The following BBS1 variants were observed in gnomAD, a reference collection of about 807,000 sequenced individuals.
BBS1 encodes BBSome complex member BBS1.
Under a neutral mutation model 73.9 loss-of-function variants are expected in BBS1, and 60 were observed. That is an observed-to-expected ratio of 0.81 (90% CI 0.66 to 1.01). The LOEUF (loss-of-function observed/expected upper bound fraction) is 1.01. Among genes scored for constraint, BBS1 ranks in the 50% least tolerant of loss-of-function variants. The probability of loss-of-function intolerance (pLI) is 0.00; values close to 1 mark genes in which losing one functional copy is unlikely to be tolerated. For synonymous variants in BBS1, 283 were observed against 317.4 expected, an observed-to-expected ratio of 0.89 and a Z score of 1.15; for missense variants, 718 against 770.3, an observed-to-expected ratio of 0.93 and a Z score of 0.80.
chr11:66,522,495 G>A (rs1453641366), intron 9 of BBS1, among the ~76,000 whole-genome samples: 61 of 151,536 alleles, frequency 4.0e-4, no homozygotes, highest in African/African-American at 7.3e-5. Context: ...CTACAGGTGC[G>A]TGCCACCACA....
At chr11:66,521,904 CAAAAAAAAAAAAAA>C in intron 9 of BBS1, among the ~76,000 whole-genome samples, 1 of 36,494 alleles carries the variant, frequency 2.7e-5, no homozygotes. Flanking sequence ...GACTCCGTCT[CAAAAAAAAAAAAAA>C]AAAAAAAAAG....
chr11:66,530,894 G>A lies in BBS1; in HGVS notation c.1474G>A (p.Val492Ile). 6.2e-7 allele frequency: 1 copy of A among 1,614,192 alleles called. No individual in the cohort carries two copies. Among genetic ancestry groups the A allele is most frequent in the Non-Finnish European group, 8.5e-7 (1 of 1,180,024 alleles). Reference protein sequence around the residue: ...AREPLKLHAVVQGLGPTFKLT... With the variant: ...AREPLKLHAVIQGLGPTFKLT... ...CTTTCTCCACCCACCCTCTCCATAGGTTCAGGGCCTTGGCCCCACCTTTAA... is the reference window on the plus strand; with the variant it reads ...CTTTCTCCACCCACCCTCTCCATAGATTCAGGGCCTTGGCCCCACCTTTAA... The change falls in exon 15 of 17, where the codon GTT becomes ATT. Residue 492 changes from valine (V) to isoleucine (I), a missense_variant and splice_region_variant. Val to Ile is a conservative substitution (Grantham distance 29, BLOSUM62 3). Coordinates refer to ENST00000318312, the MANE Select transcript of BBS1 (RefSeq NM_024649.5).
rs1318932021 is a variant in BBS1 at position 66,526,689 on chromosome 11, G to A, written c.1221G>A (p.Val407=). 1.2e-6 allele frequency: 2 copies of A among 1,614,218 alleles called. No individual in the cohort carries two copies. The highest frequency in any genetic ancestry group is 1.7e-6 in the Non-Finnish European group (2 of 1,180,018). The part of the protein sequence containing the change: ...LIIKILKRTA[V]FVEGGSEVGP... ...TCAAGATCCTGAAGCGTACAGCAGT[G>A]TTTGTAGAGGGAGGAAGTGAGGTGG... The change falls in exon 13 of 17, where the codon GTG becomes GTA. Residue 407 remains valine (V), a synonymous_variant. Transcript: ENST00000318312.
chr11:66,529,616 T>C (rs891897901), intron 13 of BBS1: 1 of 701,650 alleles, frequency 1.4e-6, no homozygotes, highest in Non-Finnish European at 2.5e-6. Context: ...GGTAAGAGAG[T>C]GAGAAGAGGC....
chr11:66,511,914 G>T (rs1590754672), intron 3 of BBS1, among the ~76,000 whole-genome samples: 1 of 150,954 alleles, frequency 6.6e-6, no homozygotes, highest in Admixed American at 6.6e-5. Context: ...CAGGAGAATT[G>T]GTCAAACCCA....
chr11:66,520,911 G>C, intron 8 of BBS1: 8 of 347,226 alleles, frequency 2.3e-5, no homozygotes, highest in South Asian at 1.9e-4. Context: ...TAGAGACAAA[G>C]TTTTGCCATG....
chr11:66,528,766 C>G (rs1019508548), intron 13 of BBS1, among the ~76,000 whole-genome samples: 1 of 151,954 alleles, frequency 6.6e-6, no homozygotes, highest in East Asian at 1.9e-4. Context: ...GTCAGGAGTT[C>G]GAGACCAGCC....
At chr11:66,518,725 T>TA (rs1856110478) in intron 7 of BBS1, among the ~76,000 whole-genome samples, 1 of 151,746 alleles carries the variant, frequency 6.6e-6, no homozygotes, top group Non-Finnish European at 1.5e-5. Flanking sequence ...GTGCTGGGCT[T>TA]ACAGGTGTGA....
intron 3 of BBS1, 60 bp from the exon 4 acceptor site, chr11:66,514,346 G>A: frequency 6.3e-7 from 1 of 1,596,136 alleles, no homozygotes. Context: ...AAGGCAAGAA[G>A]AGGGTCAGTG....
In BBS1 at chr11:66,511,060, C is replaced by T; in HGVS notation, c.95C>T (p.Ala32Val). ...KWLDAHYDPM[A>V]NIHTFSACLA... ...TTGGATGCGCACTACGACCCAATGG[C>T]CAATATCCACACCTTTTCTGCCTGC... Residue 32 changes from alanine (A) to valine (V), a missense_variant, in exon 2 of 17, where the codon GCC (alanine) becomes GTC (valine). Ala to Val is a moderately conservative substitution (Grantham distance 64, BLOSUM62 0). Transcript: ENST00000318312. 4 of 1,614,182 alleles carry T rather than the reference C, an allele frequency of 2.5e-6. No individual in the cohort carries two copies. Among genetic ancestry groups the T allele is most frequent in the Non-Finnish European group, 3.4e-6 (4 of 1,180,042 alleles).
At chr11:66,512,455 CA>C (rs1272994445) in intron 3 of BBS1, among the ~76,000 whole-genome samples, 2 of 152,062 alleles carry the variant, frequency 1.3e-5, no homozygotes, top group Non-Finnish European at 2.9e-5. Context: ...TTTTTGCCCC[CA>C]AATTCCTATC....
intron 1 of BBS1, 36 bp from the exon 2 acceptor site, chr11:66,510,977 G>C (rs747790984): frequency 5.3e-5 from 86 of 1,610,154 alleles, no homozygotes; most frequent in Non-Finnish European, 7.1e-5. Flanking sequence ...CCCTCCCATG[G>C]GACTCACTCC....
chr11:66,516,413 AT>A (rs1209239269), intron 7 of BBS1, among the ~76,000 whole-genome samples: 3 of 152,170 alleles, frequency 2.0e-5, no homozygotes, highest in Non-Finnish European at 4.4e-5. Context: ...GGTGTGAGCC[AT>A]CGTGCCATGC....
chr11:66,519,239 C>A (rs1309960201), intron 7 of BBS1, among the ~76,000 whole-genome samples: 1 of 152,084 alleles, frequency 6.6e-6, no homozygotes, highest in African/African-American at 2.4e-5. Context: ...GGCACGGTGG[C>A]GTGCGCCTGT....
rs2134844159 is a variant in BBS1, at chr11:66,532,150, C to T, written c.*113C>T. 6 of 1,184,746 alleles carry T rather than the reference C, an allele frequency of 5.1e-6. No homozygotes were observed. The East Asian group carries it at 1.3e-4, about 25-fold the overall frequency. 73.4% of individuals were successfully genotyped at this position (1,184,746 alleles called of 1,614,324 possible). ...GTGTGCTGGGGCGACAGCTCGTCTCCCCTCTCTTAAGCACCCGCTTCCTCA... is the reference window on the plus strand; with the variant it reads ...GTGTGCTGGGGCGACAGCTCGTCTCTCCTCTCTTAAGCACCCGCTTCCTCA... On this transcript the variant is annotated 3_prime_UTR_variant, in exon 17 of 17. Coordinates refer to ENST00000318312, the MANE Select transcript of BBS1 (RefSeq NM_024649.5).
chr11:66,529,346 T>A, intron 13 of BBS1: 1 of 1,528,130 alleles, frequency 6.5e-7, no homozygotes, highest in Non-Finnish European at 8.8e-7. Context: ...GAGCCTGAGG[T>A]GTTGATGGGA....
chr11:66,522,258 A>G (rs1856272561), intron 9 of BBS1, among the ~76,000 whole-genome samples: 1 of 151,854 alleles, frequency 6.6e-6, no homozygotes, highest in African/African-American at 2.4e-5. Flanking sequence ...ATAAAAAAAA[A>G]TTTCCCATAT....
chr11:66,526,623 T>G, intron 12 of BBS1, 26 bp from the exon 13 acceptor site: 2 of 1,614,082 alleles, frequency 1.2e-6, no homozygotes, highest in Non-Finnish European at 1.7e-6. Flanking sequence ...GGAGGACAAA[T>G]CCATTTCCAC....
At chr11:66,530,272 A>G (rs534101198) in intron 14 of BBS1, among the ~76,000 whole-genome samples, 10 of 152,248 alleles carry the variant, frequency 6.6e-5, no homozygotes, top group Non-Finnish European at 1.3e-4. Flanking sequence ...CAGCTATGGT[A>G]CAAGGAAGAA....
Sources: allele counts gnomAD v4.1 joint callset (sites outside exome capture counted in the v4.1 genomes callset), GRCh38; gene constraint gnomAD v4.1.1; transcripts MANE v1.5; gene names NCBI Gene and HGNC (gene_info 2026-07-23, HGNC 2026-07-21).